Variants in AGBL1 observed in about 807,000 individuals in gnomAD.
The protein encoded by AGBL1 is cytosolic carboxypeptidase 4.
AGBL1 carries 130 observed loss-of-function variants against 118.9 expected under a neutral mutation model. That is an observed-to-expected ratio of 1.09 (90% CI 0.95 to 1.26). AGBL1 has a LOEUF of 1.26. Among genes scored for constraint, AGBL1 ranks in the 50% most tolerant of loss-of-function variants. AGBL1 has a pLI of 0.00. For missense variants in AGBL1, 1,584 were observed against 1,298.1 expected, an observed-to-expected ratio of 1.22 and a Z score of -3.38; for synonymous variants, 555 against 478.9, an observed-to-expected ratio of 1.16 and a Z score of -2.08.
chr15:86,605,542 G>A (rs2084563320), intron 21 of AGBL1, among the ~76,000 whole-genome samples: 1 of 152,188 alleles, frequency 6.6e-6, no homozygotes, highest in Admixed American at 6.5e-5. Flanking sequence ...TTGGAAGCCA[G>A]TTGGGCTGTG....
chr15:86,110,818 C>A (rs750968746), intron 1 of AGBL1, among the ~76,000 whole-genome samples: 23 of 152,314 alleles, frequency 1.5e-4, no homozygotes, highest in Admixed American at 3.3e-4. Flanking sequence ...AGTGTCAGGG[C>A]AGATGGGGAA....
intron 17 of AGBL1, among the ~76,000 whole-genome samples, chr15:86,381,855 C>T (rs908941705): frequency 3.9e-5 from 6 of 152,130 alleles, no homozygotes; most frequent in East Asian, 1.9e-4. Flanking sequence ...GGGTGAACAT[C>T]TCCCCATTGG....
intron 18 of AGBL1, among the ~76,000 whole-genome samples, chr15:86,521,809 A>G (rs533089206): frequency 6.6e-6 from 1 of 152,164 alleles, no homozygotes; most frequent in Non-Finnish European, 1.5e-5. Context: ...ACTGTTAGCA[A>G]TTCCACTGAG....
rs572876238 is a variant in AGBL1, at chr15:86,222,368, A to G, written c.489-2546A>G. On this transcript the variant is annotated intron_variant, in intron 5 of 22. Coordinates refer to ENST00000614907, the MANE Select transcript of AGBL1 (RefSeq NM_001386094.1). ...CTGCAACTTCTCTTCTTAGTCTATT[A>G]ATGGCTCTCTTATTCCCCTATCTAC... Among the ~76,000 whole-genome samples, 3 of 152,196 alleles carry G rather than the reference A, an allele frequency of 2.0e-5. 1 individual carries two copies. Among genetic ancestry groups the G allele is most frequent in the African/African-American group, 7.2e-5 (3 of 41,522 alleles).
chr15:86,550,041 A>T (rs2142261770), intron 20 of AGBL1, among the ~76,000 whole-genome samples: 1 of 152,230 alleles, frequency 6.6e-6, no homozygotes, highest in South Asian at 2.1e-4. Flanking sequence ...ATTAACCCCA[A>T]ATTATTCAAT....
intron 21 of AGBL1, among the ~76,000 whole-genome samples, chr15:86,564,948 C>T (rs1180283621): frequency 6.6e-6 from 1 of 152,198 alleles, no homozygotes; most frequent in East Asian, 1.9e-4. Flanking sequence ...GTGCATCTGT[C>T]ACATAGATCT....
chr15:86,492,711 T>C (rs1349686121), intron 18 of AGBL1, among the ~76,000 whole-genome samples: 2 of 152,004 alleles, frequency 1.3e-5, no homozygotes, highest in Non-Finnish European at 2.9e-5. Flanking sequence ...TGTGTTAAGA[T>C]AAAATAAATA....
At chr15:86,937,219 TCAA>T (rs1421760225) in intron 23 of AGBL1, among the ~76,000 whole-genome samples, 2 of 152,174 alleles carry the variant, frequency 1.3e-5, no homozygotes, top group African/African-American at 2.4e-5. Context: ...GTAAATTAGT[TCAA>T]CAATTGTGGA....
chr15:86,990,482 C>T (rs1567275432), intron 24 of AGBL1, among the ~76,000 whole-genome samples: 1 of 151,928 alleles, frequency 6.6e-6, no homozygotes, highest in Non-Finnish European at 1.5e-5. Flanking sequence ...CCACTGCACT[C>T]CAGCCTGGGC....
chr15:86,491,539 G>C (rs907769449), intron 18 of AGBL1, among the ~76,000 whole-genome samples: 1 of 152,064 alleles, frequency 6.6e-6, no homozygotes, highest in African/African-American at 2.4e-5. Context: ...TCCAACAGAA[G>C]AGAGTTTTAA....
At chr15:86,767,821 A>T (rs919184837) in intron 22 of AGBL1, among the ~76,000 whole-genome samples, 1 of 151,974 alleles carries the variant, frequency 6.6e-6, no homozygotes, top group South Asian at 2.1e-4. Context: ...CATTCTGTAA[A>T]GCATGCCACC....
chr15:86,157,735 A>G (rs2077211623), intron 4 of AGBL1, among the ~76,000 whole-genome samples: 1 of 152,156 alleles, frequency 6.6e-6, no homozygotes, highest in Non-Finnish European at 1.5e-5. Context: ...AGCTTTCTAA[A>G]CAGCTCCTAT....
intron 17 of AGBL1, among the ~76,000 whole-genome samples, chr15:86,356,564 G>A (rs1038768493): frequency 2.6e-5 from 4 of 152,124 alleles, no homozygotes; most frequent in African/African-American, 9.7e-5. Context: ...AATCCAAGCA[G>A]ATGTCTTAGA....
At chr15:86,574,048 C>CAA (rs111992452) in intron 21 of AGBL1, among the ~76,000 whole-genome samples, 14 of 150,720 alleles carry the variant, frequency 9.3e-5, no homozygotes, top group African/African-American at 3.2e-4. Flanking sequence ...AACAAACAAA[C>CAA]AAAAAAAAAC....
Position 86,557,282 on chromosome 15 carries a change from G to T in AGBL1, c.2994+2745G>T, listed in dbSNP as rs537672422. Among the ~76,000 whole-genome samples the T allele has an allele frequency of 2.6e-5, 4 of 152,270 alleles. No individual in the cohort carries two copies. The East Asian group carries it at 7.7e-4, about 29-fold the overall frequency. On this transcript the variant is annotated intron_variant, in intron 21 of 22. Transcript: ENST00000614907. ...CCTTTGGGGGCTCATTTTTTTAGAG[G>T]CATCCCGTCCATGTGGACAGCTGTG...
chr15:86,751,010 T>C (rs1219270333), intron 22 of AGBL1, among the ~76,000 whole-genome samples: 1 of 152,168 alleles, frequency 6.6e-6, no homozygotes, highest in African/African-American at 2.4e-5. Context: ...ATGGTGTATG[T>C]GTACCACATT....
Position 86,977,059 on chromosome 15 carries a change from TG to T in AGBL1, c.3222-10927del, listed in dbSNP as rs560141192. ...ATATAGTGAAAGTTACATCTTTTAT[TG>T]TTCTCTTCAGGTATTTTATGCTCTG... is the stretch of plus-strand genomic sequence containing the variant. On this transcript the variant is annotated intron_variant, in intron 23 of 24. Coordinates refer to the AGBL1 transcript ENST00000441037. 4.7e-3 allele frequency among the ~76,000 whole-genome samples: 712 copies of T among 152,148 alleles called. 8 individuals are homozygous for T. The highest frequency in any genetic ancestry group is 0.017 in the African/African-American group (686 of 41,556).
At chr15:86,770,251 C>A (rs999331514) in intron 22 of AGBL1, among the ~76,000 whole-genome samples, 2 of 151,982 alleles carry the variant, frequency 1.3e-5, no homozygotes, top group African/African-American at 4.8e-5. Flanking sequence ...ATGAAGCTCA[C>A]TATCTAGTGG....
intron 19 of AGBL1, among the ~76,000 whole-genome samples, chr15:86,542,429 C>T (rs149668171): frequency 1.6e-4 from 23 of 146,450 alleles, no homozygotes; most frequent in Admixed American, 8.3e-4. Flanking sequence ...TGCAATGGCA[C>T]GATCTCGGCT....
Sources: gnomAD v4.1 joint callset for allele counts (sites outside exome capture counted in the v4.1 genomes callset) on GRCh38, gnomAD v4.1.1 for gene constraint, MANE v1.5 for transcripts, NCBI Gene and HGNC (gene_info 2026-07-23, HGNC 2026-07-21) for gene names.